TSPAN5: variants seen among roughly 807,000 people sequenced by gnomAD.
TSPAN5 encodes the protein tetraspanin-5.
A neutral mutation model predicts 37.1 loss-of-function variants in TSPAN5; 10 were observed. The ratio of observed to expected loss-of-function variants is 0.27; its 90% CI spans 0.17 to 0.46. The LOEUF (loss-of-function observed/expected upper bound fraction) is 0.46, where lower values mean the gene tolerates loss of function less well. Ranked by LOEUF, TSPAN5 falls within the 20% of genes least tolerant of loss-of-function variation. TSPAN5 has a pLI of 1.00. For missense variants in TSPAN5, 195 were observed against 326.6 expected (o/e 0.60, Z 3.11); for synonymous variants, 110 against 118.9 (o/e 0.93, Z 0.48).
chr4:98,631,203 C>T (rs1035190849), intron 1 of TSPAN5, among the ~76,000 whole-genome samples: 4 of 152,154 alleles, frequency 2.6e-5, no homozygotes, highest in South Asian at 2.1e-4. Flanking sequence ...ACAAGGCCTG[C>T]GCATCTCCTA....
At position 98,487,015 on chromosome 4, in the gene TSPAN5, T is replaced by C. The variant is rs190582359; in HGVS notation, c.133-131A>G. 8.7e-3 allele frequency: 6,513 copies of C among 751,586 alleles called. 62 individuals are homozygous for C. The highest frequency in any genetic ancestry group is 0.029 in the South Asian group (1,419 of 49,672). 46.6% of individuals were successfully genotyped at this position (751,586 alleles called of 1,614,324 possible). A position where few individuals can be genotyped will look rare whatever the true frequency, so the allele number is the denominator to read the frequency against. ...AGAGGGCATCTGATTATCAGGTATG[T>C]GATTAATACTTAAGAGAGGAAAGAA... On this transcript the variant is annotated intron_variant, in intron 2 of 7. Transcript: ENST00000305798.
chr4:98,598,539 A>C (rs564219773), intron 1 of TSPAN5, among the ~76,000 whole-genome samples: 8 of 151,756 alleles, frequency 5.3e-5, no homozygotes, highest in African/African-American at 1.9e-4. Context: ...GTCTGTGCTC[A>C]CTGCAACCTC....
In TSPAN5 at chr4:98,556,523, TA is replaced by T. The variant is rs201497478; in HGVS notation, c.82-48796del. Among the ~76,000 whole-genome samples the T allele has an allele frequency of 4.3e-3, 647 of 152,206 alleles. 4 individuals carry two copies. Among genetic ancestry groups the T allele is most frequent in the Middle Eastern group, 0.014 (4 of 292 alleles). On this transcript the variant is annotated intron_variant, in intron 1 of 7. Transcript: ENST00000305798. ...AGATTATTTCAACCCTAAGAAAGAA[TA>T]AAAAAACACCATACCCTAAACTTGC...
intron 2 of TSPAN5, among the ~76,000 whole-genome samples, chr4:98,497,216 G>A (rs945964537): frequency 6.6e-6 from 1 of 151,762 alleles, no homozygotes; most frequent in African/African-American, 2.4e-5. Flanking sequence ...TACTCGGAAG[G>A]CTGAGCAGGA....
At chr4:98,599,260 C>A (rs1755827940) in intron 1 of TSPAN5, among the ~76,000 whole-genome samples, 1 of 152,116 alleles carries the variant, frequency 6.6e-6, no homozygotes, top group Non-Finnish European at 1.5e-5. Flanking sequence ...CCTGCGTCAG[C>A]CTCCTGAGTA....
intron 1 of TSPAN5, among the ~76,000 whole-genome samples, chr4:98,612,946 T>TAAGCAC (rs1756234178): frequency 6.6e-6 from 1 of 152,230 alleles, no homozygotes; most frequent in Non-Finnish European, 1.5e-5. Flanking sequence ...GTGTTTTATT[T>TAAGCAC]TTTCACCGTA....
At chr4:98,528,644 T>C (rs758314632) in intron 1 of TSPAN5, among the ~76,000 whole-genome samples, 15 of 152,322 alleles carry the variant, frequency 9.8e-5, no homozygotes, top group Non-Finnish European at 1.9e-4. Context: ...ACAATAACTC[T>C]ACAAAGCTCT....
chr4:98,586,406 G>A (rs1229116313), intron 1 of TSPAN5, among the ~76,000 whole-genome samples: 2 of 151,982 alleles, frequency 1.3e-5, no homozygotes, highest in Non-Finnish European at 2.9e-5. Context: ...TTTGCTGTTG[G>A]CCTTGTGTAA....
At chr4:98,578,568 C>T (rs1755299278) in intron 1 of TSPAN5, among the ~76,000 whole-genome samples, 1 of 152,088 alleles carries the variant, frequency 6.6e-6, no homozygotes, top group Non-Finnish European at 1.5e-5. Flanking sequence ...TACAGGCACA[C>T]ACCACCACGC....
chr4:98,484,211 C>T (rs1752910835), intron 3 of TSPAN5: 1 of 318,878 alleles, frequency 3.1e-6, no homozygotes, highest in Non-Finnish European at 6.1e-6. Context: ...GAGCTAATTT[C>T]CTCTATTTCC....
chr4:98,652,233 C>T (rs1156994341), intron 1 of TSPAN5, among the ~76,000 whole-genome samples: 2 of 152,040 alleles, frequency 1.3e-5, no homozygotes, highest in African/African-American at 4.8e-5. Context: ...TGAGACAGCC[C>T]CCACACTTGA....
chr4:98,636,702 G>A (rs893766872), intron 1 of TSPAN5, among the ~76,000 whole-genome samples: 3 of 152,154 alleles, frequency 2.0e-5, no homozygotes, highest in Non-Finnish European at 4.4e-5. Context: ...AAAAAATGCG[G>A]CTGGCAGCTT....
At chr4:98,508,522 C>CTTTTTTTTTTTTTTTT (rs34342433) in intron 1 of TSPAN5, among the ~76,000 whole-genome samples, 1 of 121,930 alleles carries the variant, frequency 8.2e-6, no homozygotes, top group Non-Finnish European at 1.7e-5. Flanking sequence ...TACTGTTTTT[C>CTTTTTTTTTTTTTTTT]TTTTTTTTTT....
intron 1 of TSPAN5, among the ~76,000 whole-genome samples, chr4:98,562,086 T>C (rs1754893199): frequency 6.6e-6 from 1 of 152,212 alleles, no homozygotes; most frequent in African/African-American, 2.4e-5. Context: ...GCCCTGCACT[T>C]TGCAGATTTT....
At chr4:98,473,154 T>A (rs936408341) in intron 7 of TSPAN5, among the ~76,000 whole-genome samples, 4 of 152,226 alleles carry the variant, frequency 2.6e-5, no homozygotes, top group Admixed American at 2.6e-4. Flanking sequence ...CATACAAGTT[T>A]TTGGGTAAAC....
chr4:98,473,479 G>A (rs1752630122), intron 7 of TSPAN5, among the ~76,000 whole-genome samples: 2 of 145,196 alleles, frequency 1.4e-5, no homozygotes, highest in Non-Finnish European at 3.0e-5. Context: ...TTGAGACGGA[G>A]TCTCGCTCTG....
chr4:98,589,292 T>C (rs1293604343), intron 1 of TSPAN5, among the ~76,000 whole-genome samples: 2 of 152,160 alleles, frequency 1.3e-5, no homozygotes, highest in Admixed American at 6.5e-5. Context: ...TTATAATATT[T>C]CTTATGGGTC....
chr4:98,476,788 G>A (rs562206150), intron 5 of TSPAN5, among the ~76,000 whole-genome samples: 2 of 152,306 alleles, frequency 1.3e-5, no homozygotes, highest in African/African-American at 4.8e-5. Flanking sequence ...TAGGGAACTG[G>A]AGACACAGAT....
At chr4:98,515,223 A>G (rs1329636161) in intron 1 of TSPAN5, among the ~76,000 whole-genome samples, 1 of 152,092 alleles carries the variant, frequency 6.6e-6, no homozygotes, top group South Asian at 2.1e-4. Context: ...GAGACAAAGA[A>G]TCACTGGAGG....
Sources: allele counts gnomAD v4.1 joint callset (sites outside exome capture counted in the v4.1 genomes callset), GRCh38; gene constraint gnomAD v4.1.1; transcripts MANE v1.5; gene names NCBI Gene and HGNC (gene_info 2026-07-23, HGNC 2026-07-21).